The following CCN5 variants were observed in gnomAD, a reference collection of about 807,000 sequenced individuals.
CCN5 encodes the protein cellular communication network factor 5, also known as CCN family member 5.
In CCN5, 17 loss-of-function variants were observed where a neutral mutation model predicts 18.7. The observed-to-expected ratio is 0.91, with a 90% CI of 0.62 to 1.36. The LOEUF (loss-of-function observed/expected upper bound fraction) is 1.36. Among genes scored for constraint, CCN5 ranks in the 40% most tolerant of loss-of-function variants. The pLI, the probability that CCN5 is intolerant of heterozygous loss-of-function variation, is 0.00. For missense variants in CCN5, 367 were observed against 342.9 expected (o/e 1.07, Z -0.56); for synonymous variants, 135 against 145.2 (o/e 0.93, Z 0.50).
intron 2 of CCN5, chr20:44,724,418 G>T (rs902465885): frequency 7.2e-5 from 30 of 415,022 alleles, no homozygotes; most frequent in African/African-American, 5.6e-4. Context: ...TGGAAAATAA[G>T]TACCATTATA....
At chr20:44,719,105 G>C (rs2065879862) in intron 1 of CCN5, among the ~76,000 whole-genome samples, 1 of 152,086 alleles carries the variant, frequency 6.6e-6, no homozygotes, top group Admixed American at 6.5e-5. Context: ...TTTCATCCTT[G>C]ACTTGTTGCT....
chr20:44,716,265 G>A (rs1175262958), intron 1 of CCN5, among the ~76,000 whole-genome samples: 1 of 152,144 alleles, frequency 6.6e-6, no homozygotes, highest in African/African-American at 2.4e-5. Context: ...GCCCAAACTG[G>A]ACCAAGGCCA....
chr20:44,718,286 G>C (rs1303533132), intron 1 of CCN5, among the ~76,000 whole-genome samples: 2 of 152,330 alleles, frequency 1.3e-5, no homozygotes, highest in South Asian at 4.1e-4. Context: ...ATTGTGGGTA[G>C]TGGGGGCACT....
In CCN5 at chr20:44,727,115, C is replaced by T. The variant is rs139028569; in HGVS notation, c.561C>T (p.Ser187=). ...CCCAGTTTTCTGGCCTTGTCTCTTC[C>T]CTGCCCCCTGGTGTCCCCTGCCCAG... ...QGPQFSGLVS[S]LPPGVPCPEW... The change falls in exon 4 of 4, where the codon TCC becomes TCT. Residue 187 remains serine (S), a synonymous_variant. Coordinates refer to ENST00000190983, the MANE Select transcript of CCN5 (RefSeq NM_003881.4). The T allele has an allele frequency of 9.5e-5, 153 of 1,603,954 alleles. No individual in the cohort carries two copies. The South Asian group carries it at 1.1e-3, about 11-fold the overall frequency.
chr20:44,715,285 GTACT>G (rs1406358743), upstream of CCN5: 8 of 911,724 alleles, frequency 8.8e-6, no homozygotes, highest in African/African-American at 1.2e-4. Context: ...GCGCGCGTGT[GTACT>G]CGTGCGTGTG....
chr20:44,720,143 C>G (rs773799223), intron 2 of CCN5, 30 bp downstream of exon 2: 1 of 1,533,046 alleles, frequency 6.5e-7, no homozygotes, highest in Non-Finnish European at 8.7e-7. Context: ...TGAGTGGGGG[C>G]GGGTGTGAGC....
chr20:44,724,782 C>A lies in CCN5; in HGVS notation c.322C>A (p.Arg108=), dbSNP rs778459069. 2 of 1,612,746 alleles carry A rather than the reference C, an allele frequency of 1.2e-6. No individual in the cohort carries two copies. Among genetic ancestry groups the A allele is most frequent in the Non-Finnish European group, 1.7e-6 (2 of 1,179,884 alleles). ...SSCEVNGRLY[R]EGETFQPHCS... is the part of the protein sequence containing the mutation. Reference sequence around the variant, plus strand: ...CTGTGAGGTGAACGGCCGCCTGTATCGGGAAGGGGAGACCTTCCAGCCCCA... The same window carrying A: ...CTGTGAGGTGAACGGCCGCCTGTATAGGGAAGGGGAGACCTTCCAGCCCCA... The change falls in exon 3 of 4, where the codon CGG becomes AGG. Residue 108 remains arginine (R), a synonymous_variant. Transcript: ENST00000190983.
chr20:44,720,960 A>T (rs1211510265), intron 2 of CCN5: 1 of 152,238 alleles, frequency 6.6e-6, no homozygotes, highest in African/African-American at 2.4e-5. Flanking sequence ...CCCCCAAGTC[A>T]TGACAGTCTG....
intron 3 of CCN5, among the ~76,000 whole-genome samples, chr20:44,726,483 C>T (rs1169936532): frequency 6.6e-6 from 1 of 152,108 alleles, no homozygotes; most frequent in Non-Finnish European, 1.5e-5. Context: ...TGCTTAGCAG[C>T]ATTCCTGACT....
Position 44,727,706 on chromosome 20 carries a change from C to A in CCN5, c.*399C>A. On this transcript the variant is annotated 3_prime_UTR_variant, in exon 4 of 4. Transcript: ENST00000190983. ...GCAGCAGGTGCTGGGCTGGACTGGC[C>A]ATTTTTCTGGGGGTAGGATGAAGAG... 1 of 390,008 alleles carries A rather than the reference C, an allele frequency of 2.6e-6. No individual in the cohort carries two copies. The highest frequency in any genetic ancestry group is 4.3e-6 in the Non-Finnish European group (1 of 230,690). 24.2% of individuals were successfully genotyped at this position (390,008 alleles called of 1,614,324 possible).
At chr20:44,722,854 C>T (rs1600994059) in intron 2 of CCN5, among the ~76,000 whole-genome samples, 2 of 152,170 alleles carry the variant, frequency 1.3e-5, no homozygotes, top group Non-Finnish European at 2.9e-5. Context: ...ACACTCCCAT[C>T]CCTTCTGGTC....
At position 44,724,960 on chromosome 20, in the gene CCN5, G is replaced by C. The variant is rs13339902; in HGVS notation, c.500G>C (p.Gly167Ala). Reference protein sequence around the residue: ...CCPEWVCGQGGGLGTQPLPAQ... With the variant: ...CCPEWVCGQGAGLGTQPLPAQ... Reference sequence around the variant, plus strand: ...CCTGAGTGGGTGTGCGGCCAAGGAGGGGGACTGGGGACCCAGCCCCTTCCA... The same window carrying C: ...CCTGAGTGGGTGTGCGGCCAAGGAGCGGGACTGGGGACCCAGCCCCTTCCA... The change falls in exon 3 of 4, where the codon GGG becomes GCG. Residue 167 changes from glycine (G) to alanine (A), a missense_variant. Physicochemically the swap from Gly to Ala is moderately conservative, Grantham distance 60 (BLOSUM62 0). Transcript: ENST00000190983. 1 of 1,594,132 alleles carries C rather than the reference G, an allele frequency of 6.3e-7. No homozygotes were observed. The highest frequency in any genetic ancestry group is 8.5e-7 in the Non-Finnish European group (1 of 1,171,412).
At chr20:44,722,026 T>A (rs749582385) in intron 2 of CCN5, among the ~76,000 whole-genome samples, 13 of 152,356 alleles carry the variant, frequency 8.5e-5, no homozygotes, top group Admixed American at 3.3e-4. Flanking sequence ...TATTCCATCT[T>A]AATTCAGACT....
At chr20:44,718,660 CT>C (rs1275574493) in intron 1 of CCN5, among the ~76,000 whole-genome samples, 1 of 152,152 alleles carries the variant, frequency 6.6e-6, no homozygotes, top group African/African-American at 2.4e-5. Context: ...CGGACACAGT[CT>C]ACCCCCATCC....
At chr20:44,720,836 T>C (rs1259531423) in intron 2 of CCN5, 2 of 152,246 alleles carry the variant, frequency 1.3e-5, no homozygotes. Context: ...GCAAGCTGGC[T>C]CCAGTGACTG....
At chr20:44,723,993 G>C (rs1020891279) in intron 2 of CCN5, 30 of 152,388 alleles carry the variant, frequency 2.0e-4, no homozygotes, top group African/African-American at 6.5e-4. Flanking sequence ...AGGAGTTCAT[G>C]TCCAGTGGAG....
upstream of CCN5, chr20:44,714,997 C>A (rs1446693224): frequency 1.3e-5 from 3 of 222,874 alleles, no homozygotes; most frequent in Non-Finnish European, 2.7e-5. Context: ...TACAGCAGGG[C>A]TAGGACCCTC....
Position 44,726,666 on chromosome 20 carries a change from G to A in CCN5, c.533-421G>A, listed in dbSNP as rs73286426. 2.5e-3 allele frequency among the ~76,000 whole-genome samples: 378 copies of A among 152,250 alleles called. 3 individuals are homozygous for A. The highest frequency in any genetic ancestry group is 0.01 in the Middle Eastern group (3 of 294). On this transcript the variant is annotated intron_variant, in intron 3 of 3. Transcript: ENST00000190983. Reference sequence around the variant, plus strand: ...GAGGGAGACTTGGAGCAGAGAAAAAGCTAGACCATGGTGAACCTGCCATCT... The same window carrying A: ...GAGGGAGACTTGGAGCAGAGAAAAAACTAGACCATGGTGAACCTGCCATCT...
intron 1 of CCN5, among the ~76,000 whole-genome samples, chr20:44,719,426 G>A (rs1467577546): frequency 3.3e-5 from 5 of 152,170 alleles, no homozygotes; most frequent in Admixed American, 1.3e-4. Flanking sequence ...AGGCCGAGGC[G>A]GGCGGATTGC....
Sources: allele counts gnomAD v4.1 joint callset (sites outside exome capture counted in the v4.1 genomes callset), GRCh38; gene constraint gnomAD v4.1.1; transcripts MANE v1.5; gene names NCBI Gene and HGNC (gene_info 2026-07-23, HGNC 2026-07-21).